The following LRCH1 variants were observed in gnomAD, a reference collection of about 807,000 sequenced individuals.
LRCH1 encodes the protein leucine rich repeats and calponin homology domain containing 1.
LRCH1 carries 23 observed loss-of-function variants against 94.9 expected under a neutral mutation model. That is an observed-to-expected ratio of 0.24 (90% CI 0.17 to 0.34). The LOEUF is 0.34. Among genes scored for constraint, LRCH1 ranks in the 10% least tolerant of loss-of-function variants. The pLI is 1.00. For synonymous variants in LRCH1, 364 were observed against 354.9 expected, an observed-to-expected ratio of 1.03 and a Z score of -0.29; for missense variants, 790 against 945.9, an observed-to-expected ratio of 0.84 and a Z score of 2.16.
At chr13:46,566,365 G>C (rs767564506) in intron 1 of LRCH1, among the ~76,000 whole-genome samples, 4 of 151,970 alleles carry the variant, frequency 2.6e-5, no homozygotes, top group Non-Finnish European at 4.4e-5. Context: ...TTGAACTTCA[G>C]TCAGAAGTTA....
At chr13:46,668,718 G>A (rs1420202799) in intron 2 of LRCH1, among the ~76,000 whole-genome samples, 1 of 86,668 alleles carries the variant, frequency 1.2e-5, no homozygotes, top group African/African-American at 3.7e-5. Flanking sequence ...CAGCTTCTAA[G>A]TGGCGGTGGC....
At chr13:46,609,733 C>G (rs557075176) in intron 1 of LRCH1, among the ~76,000 whole-genome samples, 1 of 152,108 alleles carries the variant, frequency 6.6e-6, no homozygotes, top group Non-Finnish European at 1.5e-5. Context: ...TAGGGAGTGA[C>G]AGGCAATAAT....
At chr13:46,559,413 T>G (rs2050105283) in intron 1 of LRCH1, among the ~76,000 whole-genome samples, 1 of 152,228 alleles carries the variant, frequency 6.6e-6, no homozygotes, top group Non-Finnish European at 1.5e-5. Context: ...ATCCTTTTCT[T>G]TCCTATTACT....
At chr13:46,733,551 T>G (rs867810865) in intron 18 of LRCH1, among the ~76,000 whole-genome samples, 63 of 152,130 alleles carry the variant, frequency 4.1e-4, no homozygotes, top group African/African-American at 1.4e-3. Context: ...TGCATATATA[T>G]AAACAATATA....
At chr13:46,697,952 C>T (rs1256399740) in intron 9 of LRCH1, among the ~76,000 whole-genome samples, 1 of 152,212 alleles carries the variant, frequency 6.6e-6, no homozygotes, top group East Asian at 1.9e-4. Flanking sequence ...CCCTTTGCTT[C>T]TATCATTGAA....
chr13:46,699,204 A>G, intron 9 of LRCH1, 132 bp from the exon 10 acceptor site: 1 of 685,180 alleles, frequency 1.5e-6, no homozygotes, highest in Non-Finnish European at 2.6e-6. Context: ...CCCTCCATAG[A>G]TGGCTGTTTG....
At chr13:46,688,048 C>T in intron 6 of LRCH1, 69 bp downstream of exon 6, 1 of 1,440,908 alleles carries the variant, frequency 6.9e-7, no homozygotes, top group East Asian at 2.5e-5. Context: ...AGGTAGCTGA[C>T]TTCAAAATCT....
At chr13:46,673,404 A>G (rs1272398062) in intron 3 of LRCH1, among the ~76,000 whole-genome samples, 1 of 152,256 alleles carries the variant, frequency 6.6e-6, no homozygotes, top group Non-Finnish European at 1.5e-5. Context: ...TCTAAAAAAA[A>G]GATTATTTTC....
At chr13:46,666,575 T>C (rs952020598) in intron 2 of LRCH1, among the ~76,000 whole-genome samples, 1 of 152,236 alleles carries the variant, frequency 6.6e-6, no homozygotes, top group Non-Finnish European at 1.5e-5. Flanking sequence ...AGAACTTTCT[T>C]GAAAATACTA....
chr13:46,703,027 C>T (rs772812416), intron 11 of LRCH1, among the ~76,000 whole-genome samples: 1 of 152,124 alleles, frequency 6.6e-6, no homozygotes, highest in African/African-American at 2.4e-5. Context: ...TTAATTCTCC[C>T]TTATGTTTGG....
chr13:46,703,636 T>G (rs1198944347), intron 11 of LRCH1, among the ~76,000 whole-genome samples: 1 of 152,084 alleles, frequency 6.6e-6, no homozygotes, highest in Non-Finnish European at 1.5e-5. Context: ...ATCTAACAAT[T>G]TGGGGATACT....
At chr13:46,701,035 T>C (rs1871441562) in intron 10 of LRCH1, 86 bp from the exon 11 acceptor site, 4 of 820,302 alleles carry the variant, frequency 4.9e-6, no homozygotes, top group Non-Finnish European at 8.2e-6. Context: ...GTTAGATGGA[T>C]TTTTGTAAGT....
At chr13:46,744,906 C>T, downstream of LRCH1, 2 of 984,184 alleles carry the variant, frequency 2.0e-6, no homozygotes, top group Non-Finnish European at 2.4e-6. Flanking sequence ...ATAGAATGTG[C>T]CCTTTTTTTC....
chr13:46,695,102 A>G, intron 9 of LRCH1, 85 bp downstream of exon 9: 7 of 1,497,908 alleles, frequency 4.7e-6, no homozygotes, highest in Non-Finnish European at 6.4e-6. Flanking sequence ...TTGCCAATCC[A>G]TCCCCTTCAA....
At chr13:46,689,348 C>T (rs1870780056) in intron 7 of LRCH1, 152 bp downstream of exon 7, 1 of 568,380 alleles carries the variant, frequency 1.8e-6, no homozygotes, top group Admixed American at 3.3e-5. Flanking sequence ...ATTTGAAATC[C>T]TCGAAGTGTT....
intron 3 of LRCH1, among the ~76,000 whole-genome samples, chr13:46,672,460 G>A (rs1311222449): frequency 1.3e-5 from 2 of 151,978 alleles, no homozygotes; most frequent in African/African-American, 4.8e-5. Context: ...AAATGACACC[G>A]CATGCCTTCC....
At chr13:46,583,572 C>T (rs181403989) in intron 1 of LRCH1, among the ~76,000 whole-genome samples, 13 of 152,284 alleles carry the variant, frequency 8.5e-5, no homozygotes, top group African/African-American at 2.9e-4. Flanking sequence ...TCAGTACTCA[C>T]CTTTGGACAG....
chr13:46,573,591 C>A (rs1384783949), intron 1 of LRCH1, among the ~76,000 whole-genome samples: 1 of 151,936 alleles, frequency 6.6e-6, no homozygotes, highest in African/African-American at 2.4e-5. Flanking sequence ...ATGGATAGAA[C>A]TGGACATCAT....
chr13:46,592,699 C>G (rs1340086874), intron 1 of LRCH1, among the ~76,000 whole-genome samples: 1 of 152,146 alleles, frequency 6.6e-6, no homozygotes, highest in African/African-American at 2.4e-5. Context: ...TCTATCATAC[C>G]TAATCACTCA....
Sources: gnomAD v4.1 joint callset for allele counts (sites outside exome capture counted in the v4.1 genomes callset) on GRCh38, gnomAD v4.1.1 for gene constraint, MANE v1.5 for transcripts, NCBI Gene and HGNC (gene_info 2026-07-23, HGNC 2026-07-21) for gene names.